Variants in PLBD1 observed in about 807,000 individuals in gnomAD.
PLBD1 encodes the protein phospholipase B domain containing 1.
A neutral mutation model predicts 63.0 loss-of-function variants in PLBD1; 60 were observed. That is an observed-to-expected ratio of 0.95 (90% CI 0.77 to 1.18). The LOEUF (loss-of-function observed/expected upper bound fraction) is 1.18. Ranked by LOEUF, PLBD1 falls within the 50% of genes most tolerant of loss-of-function variation. PLBD1 has a pLI of 0.00. For missense variants in PLBD1, 598 were observed against 677.9 expected, an observed-to-expected ratio of 0.88 and a Z score of 1.31; for synonymous variants, 262 against 248.0, an observed-to-expected ratio of 1.06 and a Z score of -0.53.
intron 6 of PLBD1, among the ~76,000 whole-genome samples, chr12:14,520,505 G>A (rs2136910894): frequency 6.8e-6 from 1 of 147,888 alleles, no homozygotes; most frequent in Non-Finnish European, 1.5e-5. Context: ...TCAGCAAGAT[G>A]TCTGACTAGA....
Position 14,567,578 on chromosome 12 carries a change from T to C in PLBD1, c.115+4A>G. 6.7e-7 allele frequency: 1 copy of C among 1,497,488 alleles called. No individual in the cohort carries two copies. Among genetic ancestry groups the C allele is most frequent in the Non-Finnish European group, 8.8e-7 (1 of 1,131,266 alleles). The allele number at this position is 1,497,488 out of a possible 1,614,324, so 92.8% of individuals were successfully genotyped here. A position where few individuals can be genotyped will look rare whatever the true frequency, so the allele number is the denominator to read the frequency against. Reference sequence around the variant, plus strand: ...GCCCCCCGCCCAGGGCGCGCTCTGCTCACCTGCAGGTTTCGGCGGCTCCGC... The same window carrying C: ...GCCCCCCGCCCAGGGCGCGCTCTGCCCACCTGCAGGTTTCGGCGGCTCCGC... On this transcript the variant is annotated splice_donor_region_variant and intron_variant, in intron 1 of 10. Transcript: ENST00000240617.
intron 6 of PLBD1, among the ~76,000 whole-genome samples, chr12:14,516,328 C>CA (rs1448334083): frequency 1.3e-5 from 2 of 152,054 alleles, no homozygotes; most frequent in African/African-American, 4.8e-5. Context: ...CACTCCATCT[C>CA]AAACAAAAAC....
chr12:14,555,037 A>C (rs1316032976), intron 1 of PLBD1, among the ~76,000 whole-genome samples: 1 of 151,976 alleles, frequency 6.6e-6, no homozygotes, highest in Non-Finnish European at 1.5e-5. Flanking sequence ...CCTTCTAAAT[A>C]TCTCTCCCAC....
intron 2 of PLBD1, among the ~76,000 whole-genome samples, chr12:14,545,966 A>G (rs1945613238): frequency 6.6e-6 from 1 of 152,184 alleles, no homozygotes; most frequent in African/African-American, 2.4e-5. Context: ...ACAGCAATAA[A>G]GCTAGACAAG....
chr12:14,535,683 G>A lies in PLBD1; in HGVS notation c.820C>T (p.Arg274Cys), dbSNP rs765580544. ...CCTGGGTAACTGCTGAAAGAGAGGC[G>A]ACTACTGCTGGTATCTTTATCTATG... ...NVIDKDTSSS[R>C]LSFSSYPGFL... is the part of the protein sequence containing the mutation. Residue 274 changes from arginine to cysteine, a missense_variant, in exon 6 of 11, where the codon CGC (arginine) becomes TGC (cysteine). Physicochemically the swap from Arg to Cys is radical, Grantham distance 180. Coordinates refer to ENST00000240617, the MANE Select transcript of PLBD1 (RefSeq NM_024829.6). 5.6e-6 allele frequency: 9 copies of A among 1,613,796 alleles called. No individual in the cohort carries two copies. Among genetic ancestry groups the A allele is most frequent in the Admixed American group, 3.3e-5 (2 of 59,980 alleles).
In PLBD1 at chr12:14,553,204, G is replaced by T. The variant is rs766760171; in HGVS notation, c.324C>A (p.Tyr108Ter). 1 of 1,611,128 alleles carries T rather than the reference G, an allele frequency of 6.2e-7. No individual in the cohort carries two copies. Among genetic ancestry groups the T allele is most frequent in the Non-Finnish European group, 8.5e-7 (1 of 1,178,922 alleles). ...IMFVAGFLEGYLTAPHMNDHY... is the reference protein window; with the variant it reads ...IMFVAGFLEG The stretch of plus-strand genomic sequence containing the variant: ...ACTGGGATACTTACGGGGCAGTGAG[G>T]TAACCCTCCAAAAAGCCAGCCACAA... The change falls in exon 2 of 11, where the codon TAC becomes TAA. Residue 108 changes from tyrosine (Y) to a stop codon, truncating the protein, a stop_gained. Coordinates refer to ENST00000240617, the MANE Select transcript of PLBD1 (RefSeq NM_024829.6). LOFTEE classifies it high-confidence loss of function.
chr12:14,567,553 G>C (rs1298135585), intron 1 of PLBD1, 29 bp downstream of exon 1: 142 of 1,468,102 alleles, frequency 9.7e-5, no homozygotes, highest in Non-Finnish European at 1.2e-4. Context: ...CTCCCCGGGC[G>C]CCCCCCGCCC....
At chr12:14,506,831 A>G in intron 9 of PLBD1, 102 bp downstream of exon 9, 1 of 1,018,510 alleles carries the variant, frequency 9.8e-7, no homozygotes. Flanking sequence ...ATAACTTCTT[A>G]TAATTCCTTC....
chr12:14,526,026 TTTTGTTATAAAACC>T (rs1339091122), intron 6 of PLBD1, among the ~76,000 whole-genome samples: 1 of 151,926 alleles, frequency 6.6e-6, no homozygotes, highest in Non-Finnish European at 1.5e-5. Context: ...ATATAGAATA[TTTTGTTATAAAACC>T]TTTGTTAAAA....
chr12:14,554,801 C>T (rs945334692), intron 1 of PLBD1, among the ~76,000 whole-genome samples: 2 of 152,088 alleles, frequency 1.3e-5, no homozygotes, highest in African/African-American at 2.4e-5. Context: ...ACTACACCCT[C>T]CCCAGTCTCC....
chr12:14,506,066 C>G lies in PLBD1; in HGVS notation c.1479+96G>C, dbSNP rs985313544. The G allele has an allele frequency of 6.8e-6, 5 of 731,400 alleles. No homozygotes were observed. The East Asian group carries it at 1.2e-4, about 17-fold the overall frequency. 45.3% of individuals were successfully genotyped at this position (731,400 alleles called of 1,614,324 possible). On this transcript the variant is annotated intron_variant, in intron 10 of 10. Coordinates refer to ENST00000240617, the MANE Select transcript of PLBD1 (RefSeq NM_024829.6). The stretch of plus-strand genomic sequence containing the variant: ...ATTCCTGGGTTGAGTTTATGGTTAG[C>G]GACATCGCTTCCTGCCATAAAAACC...
At chr12:14,506,896 G>A (rs1194789891) in intron 9 of PLBD1, 37 bp downstream of exon 9, 1 of 1,582,358 alleles carries the variant, frequency 6.3e-7, no homozygotes, top group Non-Finnish European at 8.7e-7. Context: ...AAGAAAAGGA[G>A]TTTTGAAGAA....
intron 6 of PLBD1, 48 bp from the exon 7 acceptor site, chr12:14,511,759 G>A (rs1188515875): frequency 2.0e-6 from 3 of 1,526,976 alleles, no homozygotes; most frequent in South Asian, 2.3e-5. Flanking sequence ...ACATGGAACA[G>A]TGAACCATCA....
chr12:14,525,157 G>A (rs1945406779), intron 6 of PLBD1, among the ~76,000 whole-genome samples: 1 of 152,204 alleles, frequency 6.6e-6, no homozygotes, highest in Non-Finnish European at 1.5e-5. Flanking sequence ...AGCTACTTGG[G>A]AGGCTGAGGC....
chr12:14,526,034 T>C (rs1410819225), intron 6 of PLBD1, among the ~76,000 whole-genome samples: 1 of 152,038 alleles, frequency 6.6e-6, no homozygotes, highest in African/African-American at 2.4e-5. Flanking sequence ...TATTTTGTTA[T>C]AAAACCTTTG....
At chr12:14,516,069 G>A (rs879778842) in intron 6 of PLBD1, among the ~76,000 whole-genome samples, 39 of 151,106 alleles carry the variant, frequency 2.6e-4, no homozygotes, top group Non-Finnish European at 5.0e-4. Context: ...GGTGGCTCAC[G>A]CCTGTAATCC....
chr12:14,507,021 A>C lies in PLBD1; in HGVS notation c.1284T>G (p.Tyr428Ter). The change falls in exon 9 of 11, where the codon TAT becomes TAG. Residue 428 changes from tyrosine to a stop codon, truncating the protein, a stop_gained. Coordinates refer to ENST00000240617, the MANE Select transcript of PLBD1 (RefSeq NM_024829.6). LOFTEE classifies it high-confidence loss of function. ...AAATTTTGGCTCGTGGAGCTAAATC[A>C]TAAGAGTAGTCCAAGCCCAGCTTCT... The part of the protein sequence containing the change: ...LVQKLGLDYS[Y>*]DLAPRAKIFR... 1 of 1,614,106 alleles carries C rather than the reference A, an allele frequency of 6.2e-7. No individual in the cohort carries two copies. The highest frequency in any genetic ancestry group is 8.5e-7 in the Non-Finnish European group (1 of 1,179,978).
At chr12:14,506,588 A>G (rs776482992) in intron 9 of PLBD1, among the ~76,000 whole-genome samples, 5 of 152,260 alleles carry the variant, frequency 3.3e-5, no homozygotes, top group Non-Finnish European at 7.3e-5. Context: ...TACAAAAAAA[A>G]TGAGGTATTT....
intron 1 of PLBD1, among the ~76,000 whole-genome samples, chr12:14,559,815 TTTA>T (rs1191815523): frequency 6.6e-6 from 1 of 151,894 alleles, no homozygotes; most frequent in Non-Finnish European, 1.5e-5. Context: ...TTAAATTTAT[TTTA>T]TTAATATTTA....
Sources: gnomAD v4.1 joint callset for allele counts (sites outside exome capture counted in the v4.1 genomes callset) on GRCh38, gnomAD v4.1.1 for gene constraint, MANE v1.5 for transcripts, NCBI Gene and HGNC (gene_info 2026-07-23, HGNC 2026-07-21) for gene names.